The following TUSC3 variants were observed in gnomAD, a reference collection of about 807,000 sequenced individuals.
TUSC3 encodes tumor suppressor candidate 3.
TUSC3 carries 45 observed loss-of-function variants against 44.8 expected under a neutral mutation model. The ratio of observed to expected loss-of-function variants is 1.00; its 90% confidence interval spans 0.79 to 1.29. The LOEUF (loss-of-function observed/expected upper bound fraction) is 1.29. TUSC3 is among the 50% of genes most tolerant of loss of function. TUSC3 has a pLI of 0.00. For missense variants in TUSC3, 519 were observed against 437.9 expected, an observed-to-expected ratio of 1.19 and a Z score of -1.65; for synonymous variants, 212 against 152.9, an observed-to-expected ratio of 1.39 and a Z score of -2.85.
intron 2 of TUSC3, among the ~76,000 whole-genome samples, chr8:15,496,663 C>T (rs1800884396): frequency 6.6e-6 from 1 of 152,056 alleles, no homozygotes; most frequent in African/African-American, 2.4e-5. Context: ...AGGAACAGAC[C>T]CTGAGAAACG....
chr8:15,739,187 G>C (rs559406134), intron 7 of TUSC3, among the ~76,000 whole-genome samples: 105 of 151,992 alleles, frequency 6.9e-4, no homozygotes, highest in Admixed American at 2.4e-3. Flanking sequence ...TAGTTAACCT[G>C]TCACAAAAAT....
At chr8:15,624,675 G>T (rs1313538319) in intron 2 of TUSC3, among the ~76,000 whole-genome samples, 1 of 152,002 alleles carries the variant, frequency 6.6e-6, no homozygotes, top group Admixed American at 6.6e-5. Context: ...AGTTTTGAGG[G>T]TTCTTCATAT....
the TUSC3 span, among the ~76,000 whole-genome samples, chr8:15,824,731 C>G: frequency 1.3e-5 from 2 of 152,100 alleles, no homozygotes; most frequent in African/African-American, 2.4e-5. Context: ...TGCACATGTA[C>G]CCTAAAACTT....
chr8:15,543,321 G>C (rs987304225), intron 1 of TUSC3, among the ~76,000 whole-genome samples: 1 of 152,148 alleles, frequency 6.6e-6, no homozygotes, highest in African/African-American at 2.4e-5. Flanking sequence ...AAGCCAAACT[G>C]AAGTCTTAAG....
chr8:15,471,618 G>GA (rs1216659014), intron 1 of TUSC3, among the ~76,000 whole-genome samples: 1 of 145,326 alleles, frequency 6.9e-6, no homozygotes, highest in Non-Finnish European at 1.5e-5. Context: ...TTCCAGTTCT[G>GA]ATTTTTTTTT....
intron 2 of TUSC3, among the ~76,000 whole-genome samples, chr8:15,504,513 C>G (rs114294725): frequency 0.013 from 1,803 of 140,068 alleles, 32 homozygotes; most frequent in African/African-American, 0.045. Flanking sequence ...TATTGCCCTT[C>G]CTTTAGGTTG....
chr8:15,744,357 G>C (rs1280503717), intron 8 of TUSC3, among the ~76,000 whole-genome samples: 1 of 152,066 alleles, frequency 6.6e-6, no homozygotes, highest in Non-Finnish European at 1.5e-5. Flanking sequence ...ACAGTCGATT[G>C]TTTCCTGCCA....
At chr8:15,495,247 T>G (rs1800866468) in intron 2 of TUSC3, among the ~76,000 whole-genome samples, 1 of 152,176 alleles carries the variant, frequency 6.6e-6, no homozygotes, top group Non-Finnish European at 1.5e-5. Flanking sequence ...GATAAAATAT[T>G]TGTTTTGATT....
the TUSC3 span, among the ~76,000 whole-genome samples, chr8:15,791,271 C>G: frequency 7.6e-6 from 1 of 132,372 alleles, no homozygotes; most frequent in Admixed American, 8.1e-5. Context: ...CTCTTAGCGC[C>G]CCCCCCAACC....
chr8:15,761,026 C>A, intron 10 of TUSC3, among the ~76,000 whole-genome samples: 1 of 152,282 alleles, frequency 6.6e-6, no homozygotes, highest in East Asian at 1.9e-4. Context: ...CCATGACTTT[C>A]AGTCATTTCA....
intron 1 of TUSC3, 78 bp from the exon 2 acceptor site, chr8:15,623,002 C>A: frequency 7.1e-7 from 1 of 1,405,254 alleles, no homozygotes; most frequent in Non-Finnish European, 9.8e-7. Flanking sequence ...GAAAATAAAA[C>A]ATTTTATGCA....
chr8:15,752,940 T>G (rs140517376), intron 9 of TUSC3, among the ~76,000 whole-genome samples: 1 of 151,966 alleles, frequency 6.6e-6, no homozygotes, highest in African/African-American at 2.4e-5. Flanking sequence ...AGGAAAAACT[T>G]CCTTATTCTT....
At chr8:15,542,666 T>A (rs1801731216) in intron 1 of TUSC3, among the ~76,000 whole-genome samples, 3 of 152,232 alleles carry the variant, frequency 2.0e-5, no homozygotes, top group African/African-American at 7.2e-5. Context: ...GGATTTAGTA[T>A]AATTAAATCT....
chr8:15,534,558 G>C (rs956750235), intron 2 of TUSC3, among the ~76,000 whole-genome samples: 1 of 151,334 alleles, frequency 6.6e-6, no homozygotes, highest in Non-Finnish European at 1.5e-5. Context: ...CAGGAGAATG[G>C]CATGAACCTG....
At position 15,450,891 on chromosome 8, in the gene TUSC3, C is replaced by G. The variant is rs1284911878; in HGVS notation, n.92-32495C>G. Among the ~76,000 whole-genome samples the G allele has an allele frequency of 9.2e-5, 14 of 152,122 alleles. 1 individual carries two copies. Among genetic ancestry groups the G allele is most frequent in the Admixed American group, 7.9e-4 (12 of 15,262 alleles). Reference sequence around the variant, plus strand: ...GGCTTAAAACCTCCACAGGCAGAAACAATGCCTGAAACATGCCGCTGCTGA... The same window carrying G: ...GGCTTAAAACCTCCACAGGCAGAAAGAATGCCTGAAACATGCCGCTGCTGA... On this transcript the variant is annotated intron_variant and non_coding_transcript_variant, in intron 1 of 5. Coordinates refer to the TUSC3 transcript ENST00000503191.
At chr8:15,643,306 A>G (rs1450527588) in intron 2 of TUSC3, among the ~76,000 whole-genome samples, 1 of 152,206 alleles carries the variant, frequency 6.6e-6, no homozygotes, top group Non-Finnish European at 1.5e-5. Flanking sequence ...TAATACAGTA[A>G]GAAAACTTGT....
chr8:15,538,840 A>G (rs900096768), upstream of TUSC3, among the ~76,000 whole-genome samples: 4 of 151,330 alleles, frequency 2.6e-5, no homozygotes, highest in Admixed American at 2.6e-4. Context: ...TATATATATA[A>G]TATTTTTATA....
the TUSC3 span, among the ~76,000 whole-genome samples, chr8:15,780,738 A>T: frequency 4.1e-3 from 627 of 152,122 alleles, 5 homozygotes; most frequent in African/African-American, 0.015. Context: ...TTCCTCCTGG[A>T]AGAAGTTTGT....
chr8:15,677,545 T>A lies in TUSC3; in HGVS notation c.798+3709T>A, dbSNP rs572400428. Among the ~76,000 whole-genome samples, 6 of 152,342 alleles carry A rather than the reference T, an allele frequency of 3.9e-5. No homozygotes were observed. In the South Asian group the frequency reaches 1.0e-3, roughly 26 times the overall value. On this transcript the variant is annotated intron_variant, in intron 6 of 10. Transcript: ENST00000503731. ...AAGTTACTTATTCTCTCTGTTCTTC[T>A]TCTGTAAAATGAGTTGAATTCTGCT...
Sources: allele counts gnomAD v4.1 joint callset (sites outside exome capture counted in the v4.1 genomes callset), GRCh38; gene constraint gnomAD v4.1.1; transcripts MANE v1.5; gene names NCBI Gene and HGNC (gene_info 2026-07-23, HGNC 2026-07-21).